Variants in RASGRP3 observed in about 807,000 individuals in gnomAD.
RASGRP3 encodes ras guanyl-releasing protein 3.
Under a neutral mutation model 82.7 loss-of-function variants are expected in RASGRP3, and 54 were observed. The observed-to-expected ratio is 0.65, with a 90% confidence interval of 0.52 to 0.82. The LOEUF is 0.82. Ranked by LOEUF, RASGRP3 falls within the 40% of genes least tolerant of loss-of-function variation. The probability of loss-of-function intolerance (pLI) is 0.00; values close to 1 mark genes in which losing one functional copy is unlikely to be tolerated. For missense variants in RASGRP3, 861 were observed against 828.9 expected (o/e 1.04, Z -0.48); for synonymous variants, 309 against 300.5 (o/e 1.03, Z -0.29).
chr2:33,537,733 C>T (rs1673802028), intron 11 of RASGRP3, among the ~76,000 whole-genome samples: 1 of 152,126 alleles, frequency 6.6e-6, no homozygotes, highest in African/African-American at 2.4e-5. Context: ...AAAATGTTGA[C>T]ATTTTATGAA....
At chr2:33,526,644 GA>G (rs1672594222) in intron 9 of RASGRP3, among the ~76,000 whole-genome samples, 1 of 152,160 alleles carries the variant, frequency 6.6e-6, no homozygotes, top group Admixed American at 6.5e-5. Flanking sequence ...CCAAAAAAGT[GA>G]AGTGACTTGC....
intron 2 of RASGRP3, among the ~76,000 whole-genome samples, chr2:33,450,069 T>G (rs1665706064): frequency 6.6e-6 from 1 of 152,158 alleles, no homozygotes; most frequent in Admixed American, 6.5e-5. Flanking sequence ...GACTAGAGAT[T>G]TACTTTTCTT....
At chr2:33,557,491 C>T (rs34256817) in intron 15 of RASGRP3, among the ~76,000 whole-genome samples, 93 of 152,034 alleles carry the variant, frequency 6.1e-4, no homozygotes, top group Non-Finnish European at 1.1e-3. Context: ...GGGTGGATCA[C>T]GAGGTCAGGA....
In RASGRP3 at chr2:33,539,448, CTCTT is replaced by C. The variant is rs375454678; in HGVS notation, c.1278+241_1278+244del. On this transcript the variant is annotated intron_variant, in intron 12 of 17. Coordinates refer to ENST00000403687, the MANE Select transcript of RASGRP3 (RefSeq NM_001139488.2). ...ATACTCTCAGCTACTTCCAGCTCCT[CTCTT>C]TCACAGGCATTTGCCACCTCTGTCA... 93 of 375,006 alleles carry C rather than the reference CTCTT, an allele frequency of 2.5e-4. 1 individual carries two copies. The highest frequency in any genetic ancestry group is 1.7e-3 in the African/African-American group (83 of 49,048). 23.2% of individuals were successfully genotyped at this position (375,006 alleles called of 1,614,324 possible). A position where few individuals can be genotyped will look rare whatever the true frequency, so the allele number is the denominator to read the frequency against.
At chr2:33,470,445 T>C in intron 2 of RASGRP3, among the ~76,000 whole-genome samples, 1 of 151,568 alleles carries the variant, frequency 6.6e-6, no homozygotes, top group Non-Finnish European at 1.5e-5. Flanking sequence ...AGTGGCGCGA[T>C]CTCAGCTCAC....
chr2:33,480,204 G>A (rs948708759), intron 1 of RASGRP3, among the ~76,000 whole-genome samples: 30 of 152,012 alleles, frequency 2.0e-4, no homozygotes, highest in Admixed American at 3.3e-4. Flanking sequence ...CACCATGCCC[G>A]GCTAATTTTT....
intron 2 of RASGRP3, among the ~76,000 whole-genome samples, chr2:33,456,768 C>A (rs750502848): frequency 1.3e-5 from 2 of 152,146 alleles, no homozygotes; most frequent in Non-Finnish European, 2.9e-5. Flanking sequence ...ACAGGCATAA[C>A]TGGTTGCATG....
At chr2:33,512,597 C>T (rs1671035595) in intron 2 of RASGRP3, among the ~76,000 whole-genome samples, 1 of 152,140 alleles carries the variant, frequency 6.6e-6, no homozygotes, top group Non-Finnish European at 1.5e-5. Flanking sequence ...ATTTTTGTCC[C>T]AGTGATGTTT....
At chr2:33,535,316 A>G (rs185346020) in intron 11 of RASGRP3, among the ~76,000 whole-genome samples, 1 of 152,350 alleles carries the variant, frequency 6.6e-6, no homozygotes, top group Admixed American at 6.5e-5. Context: ...TATGCTTTGC[A>G]CTAATACAAA....
At chr2:33,523,827 A>G in intron 7 of RASGRP3, 52 bp from the exon 8 acceptor site, 1 of 1,470,904 alleles carries the variant, frequency 6.8e-7, no homozygotes, top group Non-Finnish European at 9.2e-7. Flanking sequence ...CTAATTTTTG[A>G]TTTTACAAAG....
chr2:33,436,726 C>A lies in RASGRP3; in HGVS notation c.-385+135C>A, dbSNP rs574923837. Reference sequence around the variant, plus strand: ...TTTTCAATATGCTTTGCTCATATCTCTGAAGAAATGTAGAAATCAACCTTG... The same window carrying A: ...TTTTCAATATGCTTTGCTCATATCTATGAAGAAATGTAGAAATCAACCTTG... On this transcript the variant is annotated intron_variant, in intron 1 of 18. Transcript: ENST00000402538. 2.0e-5 allele frequency: 3 copies of A among 152,302 alleles called. No individual in the cohort carries two copies. In the East Asian group the frequency reaches 5.8e-4, roughly 29 times the overall value. 9.4% of individuals were successfully genotyped at this position (152,302 alleles called of 1,614,324 possible).
At chr2:33,463,813 G>C (rs1411907726) in intron 2 of RASGRP3, among the ~76,000 whole-genome samples, 2 of 151,662 alleles carry the variant, frequency 1.3e-5, no homozygotes, top group Non-Finnish European at 2.9e-5. Flanking sequence ...TGTTGGCCAG[G>C]CTGGTCTTGA....
chr2:33,525,995 A>G lies in RASGRP3; in HGVS notation c.808-1142A>G, dbSNP rs112328762. The stretch of plus-strand genomic sequence containing the variant: ...ACTGTTTCTCTCCTAATTGGGCTGT[A>G]TGTAGCAACCGAAAAATTACGTTCC... On this transcript the variant is annotated intron_variant, in intron 9 of 17. Transcript: ENST00000403687. Among the ~76,000 whole-genome samples, 624 of 152,304 alleles carry G rather than the reference A, an allele frequency of 4.1e-3. 5 individuals carry two copies. The highest frequency in any genetic ancestry group is 0.014 in the African/African-American group (576 of 41,568).
intron 7 of RASGRP3, among the ~76,000 whole-genome samples, chr2:33,522,620 C>T (rs1369168382): frequency 1.3e-5 from 2 of 152,100 alleles, no homozygotes; most frequent in East Asian, 3.8e-4. Context: ...AGCCTCATTC[C>T]TTCTCTAACT....
intron 1 of RASGRP3, among the ~76,000 whole-genome samples, chr2:33,495,363 T>C (rs562483090): frequency 3.3e-5 from 5 of 152,162 alleles, no homozygotes; most frequent in Non-Finnish European, 7.4e-5. Context: ...CTTAGATTCA[T>C]TGTTTGTGTA....
chr2:33,467,445 C>G (rs1470796320), intron 2 of RASGRP3, among the ~76,000 whole-genome samples: 2 of 151,860 alleles, frequency 1.3e-5, no homozygotes, highest in Non-Finnish European at 2.9e-5. Context: ...GATTTTTAGA[C>G]AAGTGTTGTA....
chr2:33,486,698 G>A lies in RASGRP3; in HGVS notation c.-261+9991G>A, dbSNP rs113323094. ...AACTAACTATATCAGGATGAACCAG[G>A]GATGATTCCCTTGGGTTGGTGACAT... On this transcript the variant is annotated intron_variant, in intron 1 of 17. Coordinates refer to ENST00000403687, the MANE Select transcript of RASGRP3 (RefSeq NM_001139488.2). Among the ~76,000 whole-genome samples the A allele has an allele frequency of 5.3e-3, 814 of 152,244 alleles. 5 individuals are homozygous for A. The highest frequency in any genetic ancestry group is 0.013 in the South Asian group (64 of 4,818).
At chr2:33,520,457 C>T (rs1292446846) in intron 5 of RASGRP3, 96 bp from the exon 6 acceptor site, 2 of 1,482,680 alleles carry the variant, frequency 1.3e-6, no homozygotes, top group African/African-American at 1.4e-5. Context: ...TGGTCCTGGA[C>T]TTGGTGTTAA....
At chr2:33,536,196 G>A (rs1267991979) in intron 11 of RASGRP3, among the ~76,000 whole-genome samples, 1 of 151,870 alleles carries the variant, frequency 6.6e-6, no homozygotes, top group East Asian at 1.9e-4. Flanking sequence ...CAGCTACTTA[G>A]GAGGCTGAGG....
Sources: gnomAD v4.1 joint callset for allele counts (sites outside exome capture counted in the v4.1 genomes callset) on GRCh38, gnomAD v4.1.1 for gene constraint, MANE v1.5 for transcripts, NCBI Gene and HGNC (gene_info 2026-07-23, HGNC 2026-07-21) for gene names.